Variants in XYLT1 observed in about 807,000 individuals in gnomAD.
XYLT1 encodes the protein xylosyltransferase 1.
In XYLT1, 36 loss-of-function variants were observed where a neutral mutation model predicts 91.3. The observed-to-expected ratio is 0.39, with a 90% confidence interval of 0.30 to 0.52. The LOEUF (loss-of-function observed/expected upper bound fraction) is 0.52, where lower values mean the gene tolerates loss of function less well. Among genes scored for constraint, XYLT1 ranks in the 20% least tolerant of loss-of-function variants. The probability of loss-of-function intolerance (pLI) is 0.68; values close to 1 mark genes in which losing one functional copy is unlikely to be tolerated. For synonymous variants in XYLT1, 588 were observed against 532.0 expected (o/e 1.11, Z -1.45); for missense variants, 1,242 against 1,284.5 (o/e 0.97, Z 0.51).
At chr16:17,420,907 T>C (rs955548136) in intron 1 of XYLT1, among the ~76,000 whole-genome samples, 1 of 152,236 alleles carries the variant, frequency 6.6e-6, no homozygotes, top group South Asian at 2.1e-4. Flanking sequence ...TTCAGATTTC[T>C]AATGCTTGGA....
At chr16:17,245,297 T>C (rs1465587886) in intron 3 of XYLT1, among the ~76,000 whole-genome samples, 1 of 152,180 alleles carries the variant, frequency 6.6e-6, no homozygotes, top group Admixed American at 6.5e-5. Context: ...ATCTTTTCAC[T>C]TTGGTCGCTG....
intron 1 of XYLT1, among the ~76,000 whole-genome samples, chr16:17,441,651 G>T (rs1567204289): frequency 6.6e-6 from 1 of 152,262 alleles, no homozygotes; most frequent in East Asian, 1.9e-4. Context: ...CAAATTCTTG[G>T]ATGATTTTTT....
rs118016336 is a variant in XYLT1 at position 17,227,750 on chromosome 16, A to G, written c.914-27096T>C. The stretch of plus-strand genomic sequence containing the variant: ...GAGAAGACAGAGGCAGAAATGGAGC[A>G]GGAGAAAGAGTTGGGAAGTGACTGT... On this transcript the variant is annotated intron_variant, in intron 3 of 11. Coordinates refer to ENST00000261381, the MANE Select transcript of XYLT1 (RefSeq NM_022166.4). 83 of 152,538 alleles carry G rather than the reference A, an allele frequency of 5.4e-4. No homozygotes were observed. The East Asian group carries it at 0.015, about 28-fold the overall frequency. 9.4% of individuals were successfully genotyped at this position (152,538 alleles called of 1,614,324 possible).
Position 17,413,561 on chromosome 16 carries a change from C to T in XYLT1, c.364-55511G>A, listed in dbSNP as rs533420079. 4.8e-4 allele frequency among the ~76,000 whole-genome samples: 72 copies of T among 151,556 alleles called. No homozygotes were observed. In the South Asian group the frequency reaches 5.8e-3, roughly 12 times the overall value. On this transcript the variant is annotated intron_variant, in intron 1 of 11. Transcript: ENST00000261381. Reference sequence around the variant, plus strand: ...CTTGGGTTCAATCAACCTCAGTGTTCGGAGTACCTGGGACTACAGGTGCTC... The same window carrying T: ...CTTGGGTTCAATCAACCTCAGTGTTTGGAGTACCTGGGACTACAGGTGCTC...
chr16:17,175,756 C>T (rs2031929042), intron 5 of XYLT1, among the ~76,000 whole-genome samples: 2 of 152,214 alleles, frequency 1.3e-5, no homozygotes, highest in African/African-American at 4.8e-5. Flanking sequence ...ATGTGAATGT[C>T]CCTCTGGCCT....
chr16:17,436,861 C>T (rs894444582), intron 1 of XYLT1, among the ~76,000 whole-genome samples: 1 of 152,244 alleles, frequency 6.6e-6, no homozygotes. Flanking sequence ...TTGGCTTACA[C>T]AGGCGTGAGA....
chr16:17,195,016 G>C (rs949056506), intron 5 of XYLT1, among the ~76,000 whole-genome samples: 1 of 152,116 alleles, frequency 6.6e-6, no homozygotes, highest in Non-Finnish European at 1.5e-5. Context: ...TTTCTCAAAC[G>C]CAACAAGTTT....
intron 1 of XYLT1, among the ~76,000 whole-genome samples, chr16:17,364,151 C>T (rs1373753270): frequency 6.6e-6 from 1 of 152,172 alleles, no homozygotes; most frequent in African/African-American, 2.4e-5. Flanking sequence ...TCCATAACAA[C>T]CACCTAGCAC....
chr16:17,256,259 C>A (rs543631339), intron 3 of XYLT1, among the ~76,000 whole-genome samples: 5 of 152,086 alleles, frequency 3.3e-5, no homozygotes, highest in Non-Finnish European at 4.4e-5. Flanking sequence ...AACACAGAGG[C>A]ACATATTTAA....
chr16:17,248,278 C>A (rs777496579), intron 3 of XYLT1, among the ~76,000 whole-genome samples: 1 of 152,202 alleles, frequency 6.6e-6, no homozygotes, highest in Non-Finnish European at 1.5e-5. Flanking sequence ...GCCTCCTCGG[C>A]CACATGGAAC....
intron 7 of XYLT1, chr16:17,138,836 C>T: frequency 3.9e-6 from 1 of 257,418 alleles, no homozygotes; most frequent in South Asian, 7.3e-5. Flanking sequence ...GGTCAGCTGC[C>T]CATGTGGTCC....
At chr16:17,462,543 T>C (rs112521208) in intron 1 of XYLT1, among the ~76,000 whole-genome samples, 2 of 152,112 alleles carry the variant, frequency 1.3e-5, no homozygotes, top group Admixed American at 6.5e-5. Context: ...GAAGGAAGTG[T>C]CCGCAAGATG....
At chr16:17,389,594 C>T (rs2035790019) in intron 1 of XYLT1, among the ~76,000 whole-genome samples, 1 of 152,226 alleles carries the variant, frequency 6.6e-6, no homozygotes, top group Non-Finnish European at 1.5e-5. Context: ...GACTTTCTGT[C>T]TGATCAGCCC....
At chr16:17,338,643 G>A (rs918477963) in intron 2 of XYLT1, 36 of 379,412 alleles carry the variant, frequency 9.5e-5, no homozygotes, top group South Asian at 6.8e-4. Context: ...TTTTTGGGAC[G>A]GAGTCTCGCT....
In XYLT1 at chr16:17,108,571, T is replaced by C. The variant is rs1474320497; in HGVS notation, c.*124A>G. ...CTGACCTTCCCTTTCCATCATTCTATGGCCAGGAGAGACCCATTCACAGAG... is the reference window on the plus strand; with the variant it reads ...CTGACCTTCCCTTTCCATCATTCTACGGCCAGGAGAGACCCATTCACAGAG... On this transcript the variant is annotated 3_prime_UTR_variant, in exon 12 of 12. Coordinates refer to ENST00000261381, the MANE Select transcript of XYLT1 (RefSeq NM_022166.4). 3 of 949,320 alleles carry C rather than the reference T, an allele frequency of 3.2e-6. No homozygotes were observed. In the African/African-American group the frequency reaches 5.0e-5, roughly 16 times the overall value. 58.8% of individuals were successfully genotyped at this position (949,320 alleles called of 1,614,324 possible). A position where few individuals can be genotyped will look rare whatever the true frequency, so the allele number is the denominator to read the frequency against.
At chr16:17,152,664 C>T (rs1261758992) in intron 6 of XYLT1, among the ~76,000 whole-genome samples, 1 of 152,178 alleles carries the variant, frequency 6.6e-6, no homozygotes, top group Admixed American at 6.5e-5. Context: ...ATGATTAGTT[C>T]AATGTCAGAA....
intron 1 of XYLT1, among the ~76,000 whole-genome samples, chr16:17,439,416 G>A (rs563890239): frequency 6.6e-6 from 1 of 152,160 alleles, no homozygotes; most frequent in Non-Finnish European, 1.5e-5. Flanking sequence ...GTTGGATAGT[G>A]GAAAAGAGCG....
intron 8 of XYLT1, among the ~76,000 whole-genome samples, chr16:17,136,985 GA>G (rs1368355125): frequency 6.6e-6 from 1 of 152,042 alleles, no homozygotes; most frequent in Non-Finnish European, 1.5e-5. Context: ...CCAAACATGG[GA>G]ATTCATTGAA....
At chr16:17,335,388 C>A (rs2034964766) in intron 2 of XYLT1, among the ~76,000 whole-genome samples, 1 of 152,002 alleles carries the variant, frequency 6.6e-6, no homozygotes, top group Admixed American at 6.6e-5. Flanking sequence ...AAGAGCGCAG[C>A]CCAGAACACA....
Sources: gnomAD v4.1 joint callset for allele counts (sites outside exome capture counted in the v4.1 genomes callset) on GRCh38, gnomAD v4.1.1 for gene constraint, MANE v1.5 for transcripts, NCBI Gene and HGNC (gene_info 2026-07-23, HGNC 2026-07-21) for gene names.